FER: variants seen among roughly 807,000 people sequenced by gnomAD.
FER encodes tyrosine-protein kinase Fer.
A neutral mutation model predicts 111.0 loss-of-function variants in FER; 63 were observed. The observed-to-expected ratio is 0.57, with a 90% confidence interval of 0.46 to 0.70. The LOEUF (loss-of-function observed/expected upper bound fraction) is 0.70, where lower values mean the gene tolerates loss of function less well. Among genes scored for constraint, FER ranks in the 30% least tolerant of loss-of-function variants. The pLI is 0.00. For synonymous variants in FER, 327 were observed against 313.9 expected, an observed-to-expected ratio of 1.04 and a Z score of -0.44; for missense variants, 914 against 954.0, an observed-to-expected ratio of 0.96 and a Z score of 0.55.
At chr5:108,761,203 C>T (rs922446750) in intron 1 of FER, among the ~76,000 whole-genome samples, 2 of 152,164 alleles carry the variant, frequency 1.3e-5, no homozygotes, top group African/African-American at 4.8e-5. Flanking sequence ...GCTGGGATTA[C>T]AGGTGTGAGC....
At chr5:109,033,609 T>A (rs935205284) in intron 13 of FER, among the ~76,000 whole-genome samples, 11 of 152,152 alleles carry the variant, frequency 7.2e-5, no homozygotes, top group African/African-American at 2.7e-4. Flanking sequence ...ATTGAATGTC[T>A]TTCTCAGCCA....
chr5:109,132,784 C>G (rs555537628), intron 17 of FER, among the ~76,000 whole-genome samples: 20 of 152,220 alleles, frequency 1.3e-4, no homozygotes, highest in African/African-American at 4.8e-4. Flanking sequence ...GATGGCAGCA[C>G]CTGGTGAAAA....
In FER at chr5:108,871,013, T is replaced by A. The variant is rs575495595; in HGVS notation, c.666-352T>A. 2.6e-5 allele frequency among the ~76,000 whole-genome samples: 4 copies of A among 151,988 alleles called. No homozygotes were observed. In the East Asian group the frequency reaches 7.7e-4, roughly 29 times the overall value. On this transcript the variant is annotated intron_variant, in intron 6 of 19. Coordinates refer to ENST00000281092, the MANE Select transcript of FER (RefSeq NM_005246.4). Reference sequence around the variant, plus strand: ...GAAAGGAACATTAAAGAGTCAGGAGTTGATCAGAGTTCCATGTTATTCAAC... The same window carrying A: ...GAAAGGAACATTAAAGAGTCAGGAGATGATCAGAGTTCCATGTTATTCAAC...
At chr5:109,167,393 G>T (rs1178273163) in intron 17 of FER, among the ~76,000 whole-genome samples, 1 of 152,102 alleles carries the variant, frequency 6.6e-6, no homozygotes, top group African/African-American at 2.4e-5. Flanking sequence ...AGTGTTCCTA[G>T]AACATACAAA....
chr5:108,793,258 T>C (rs2900036), intron 2 of FER, among the ~76,000 whole-genome samples: 35,764 of 152,052 alleles, frequency 0.24, 4,454 homozygotes, highest in African/African-American at 0.31. Context: ...TTTCACTTAA[T>C]ATAATGACTG....
At chr5:108,975,670 A>G (rs1052037706) in intron 13 of FER, among the ~76,000 whole-genome samples, 1 of 152,178 alleles carries the variant, frequency 6.6e-6, no homozygotes, top group African/African-American at 2.4e-5. Flanking sequence ...TGAGTTGTTG[A>G]CAGGTAAGAA....
At chr5:108,824,086 T>C (rs1195717361) in intron 3 of FER, among the ~76,000 whole-genome samples, 2 of 152,134 alleles carry the variant, frequency 1.3e-5, no homozygotes, top group Admixed American at 6.5e-5. Flanking sequence ...GAGTTGATTG[T>C]ATATGTGTGG....
chr5:108,869,637 G>T (rs902572171), intron 6 of FER, among the ~76,000 whole-genome samples: 1 of 152,056 alleles, frequency 6.6e-6, no homozygotes, highest in Non-Finnish European at 1.5e-5. Context: ...GGGCTCCCCC[G>T]TGCCATGACA....
chr5:109,124,665 C>G (rs571057987), intron 17 of FER, among the ~76,000 whole-genome samples: 25 of 152,036 alleles, frequency 1.6e-4, no homozygotes, highest in African/African-American at 6.0e-4. Flanking sequence ...ATCAAGATCT[C>G]AAAACTGTGA....
At chr5:108,920,273 C>A (rs1045083878) in intron 10 of FER, among the ~76,000 whole-genome samples, 1 of 151,978 alleles carries the variant, frequency 6.6e-6, no homozygotes, top group Non-Finnish European at 1.5e-5. Context: ...AAAGTTATCA[C>A]CCTGCAACTT....
chr5:108,842,022 A>G (rs932749043), intron 5 of FER, among the ~76,000 whole-genome samples: 1 of 152,234 alleles, frequency 6.6e-6, no homozygotes, highest in Admixed American at 6.5e-5. Context: ...ATCTTGTTAT[A>G]TTATAGCTTT....
intron 10 of FER, among the ~76,000 whole-genome samples, chr5:108,918,869 T>C (rs545541175): frequency 6.6e-6 from 1 of 152,330 alleles, no homozygotes; most frequent in South Asian, 2.1e-4. Flanking sequence ...ATAATTGTAT[T>C]CTGTGTGGAG....
intron 1 of FER, among the ~76,000 whole-genome samples, chr5:108,760,418 A>C (rs886240621): frequency 1.3e-5 from 2 of 152,208 alleles, no homozygotes; most frequent in South Asian, 4.1e-4. Flanking sequence ...GTCACGCATT[A>C]ACTTTTCTTC....
intron 3 of FER, among the ~76,000 whole-genome samples, chr5:108,825,509 CT>C (rs1759372276): frequency 6.6e-6 from 1 of 152,128 alleles, no homozygotes; most frequent in Non-Finnish European, 1.5e-5. Context: ...TTATCCTGTT[CT>C]TTTTTCAGGG....
chr5:108,985,303 G>C (rs772345449), intron 13 of FER, among the ~76,000 whole-genome samples: 2 of 151,988 alleles, frequency 1.3e-5, no homozygotes, highest in African/African-American at 4.8e-5. Context: ...GGACCATAAC[G>C]GGATGATATC....
chr5:108,997,136 T>C (rs1183531011), intron 13 of FER, among the ~76,000 whole-genome samples: 1 of 151,858 alleles, frequency 6.6e-6, no homozygotes. Flanking sequence ...TAAAGTTGCT[T>C]ATCAGCTTAA....
intron 13 of FER, 109 bp downstream of exon 13, chr5:108,959,456 A>G (rs201944568): frequency 1.8e-6 from 2 of 1,105,554 alleles, no homozygotes; most frequent in Non-Finnish European, 2.4e-6. Flanking sequence ...AGTTCAGAAA[A>G]AAAGTTTTGT....
chr5:109,020,177 A>G lies in FER; in HGVS notation c.1657-17245A>G, dbSNP rs575291378. 5.0e-4 allele frequency among the ~76,000 whole-genome samples: 67 copies of G among 135,314 alleles called. 1 individual carries two copies. The highest frequency in any genetic ancestry group is 1.5e-3 in the African/African-American group (62 of 40,476). The allele number at this position is 135,314 out of a possible 152,430, so 88.8% of individuals were successfully genotyped here. ...CTTAAATTGCTTAAAGGTAGTTTTA[A>G]GTATGAATTTCCAATTTCCTGCATT... On this transcript the variant is annotated intron_variant, in intron 13 of 19. Transcript: ENST00000281092.
intron 2 of FER, among the ~76,000 whole-genome samples, chr5:108,794,534 C>A (rs920759429): frequency 1.6e-5 from 2 of 124,294 alleles, no homozygotes; most frequent in South Asian, 3.1e-4. Context: ...GCACCCCCCC[C>A]CCTCCCCGCA....
Sources: allele counts gnomAD v4.1 joint callset (sites outside exome capture counted in the v4.1 genomes callset), GRCh38; gene constraint gnomAD v4.1.1; transcripts MANE v1.5; gene names NCBI Gene and HGNC (gene_info 2026-07-23, HGNC 2026-07-21).